The following RPSA variants were observed in gnomAD, a reference collection of about 807,000 sequenced individuals.
RPSA encodes small ribosomal subunit protein uS2.
For missense variants in RPSA, 140 were observed against 372.8 expected, an observed-to-expected ratio of 0.38 and a Z score of 5.14; for synonymous variants, 103 against 126.7, an observed-to-expected ratio of 0.81 and a Z score of 1.25.
intron 1 of RPSA, 160 bp downstream of exon 1, chr3:39,406,924 G>C: frequency 2.2e-6 from 1 of 454,414 alleles, no homozygotes; most frequent in Admixed American, 2.4e-5. Flanking sequence ...CACGTGGCCA[G>C]GCTCGGGCTG....
chr3:39,407,328 C>CT (rs1301112906), intron 1 of RPSA, among the ~76,000 whole-genome samples: 5 of 152,148 alleles, frequency 3.3e-5, no homozygotes, highest in Non-Finnish European at 7.3e-5. Flanking sequence ...TAGTTGTTAA[C>CT]TTGGCGCATC....
chr3:39,412,427 C>A lies in RPSA; in HGVS notation c.*59C>A. On this transcript the variant is annotated 3_prime_UTR_variant, in exon 7 of 7. Transcript: ENST00000301821. ...AAAATGGTTGATGGAAAATAAACATCAGTTTCTAAAAGTTGTCTTCATTTA... is the reference window on the plus strand; with the variant it reads ...AAAATGGTTGATGGAAAATAAACATAAGTTTCTAAAAGTTGTCTTCATTTA... 1.1e-6 allele frequency: 1 copy of A among 945,230 alleles called. No individual in the cohort carries two copies. Among genetic ancestry groups the A allele is most frequent in the South Asian group, 1.4e-5 (1 of 69,242 alleles). The allele number at this position is 945,230 out of a possible 1,614,324, so 58.6% of individuals were successfully genotyped here.
At position 39,407,602 on chromosome 3, in the gene RPSA, G is replaced by A. The variant is rs752277870; in HGVS notation, c.-33-19G>A. ...TAACTCAATGGAATGAAAAGAAATA[G>A]GTTGCTCTCTTATTTCAGATTCCCG... On this transcript the variant is annotated intron_variant, in intron 1 of 6. Coordinates refer to ENST00000301821, the MANE Select transcript of RPSA (RefSeq NM_002295.6). 6.4e-7 allele frequency: 1 copy of A among 1,571,642 alleles called. No individual in the cohort carries two copies. Among genetic ancestry groups the A allele is most frequent in the Non-Finnish European group, 8.6e-7 (1 of 1,157,000 alleles).
chr3:39,411,820 C>T (rs186505085), intron 5 of RPSA, 43 bp downstream of exon 5: 84 of 1,599,382 alleles, frequency 5.3e-5, no homozygotes, highest in Admixed American at 5.0e-4. Context: ...GCAAATTGGA[C>T]GACTTGGACT....
intron 4 of RPSA, 106 bp from the exon 5 acceptor site, chr3:39,411,543 A>C: frequency 1.8e-5 from 21 of 1,197,394 alleles, no homozygotes; most frequent in Non-Finnish European, 2.4e-5. Flanking sequence ...TTTTCAACTA[A>C]GAGATGTCTG....
chr3:39,411,374 G>C, intron 4 of RPSA: 2 of 556,050 alleles, frequency 3.6e-6, no homozygotes, highest in Non-Finnish European at 6.5e-6. Flanking sequence ...GGTTGTGTGT[G>C]GTTCAGATTG....
At chr3:39,408,770 A>T in intron 3 of RPSA, 46 bp downstream of exon 3, 1 of 1,073,220 alleles carries the variant, frequency 9.3e-7, no homozygotes, top group Non-Finnish European at 1.4e-6. Flanking sequence ...AATAAAGCTT[A>T]CAGACATTGT....
intron 4 of RPSA, 56 bp from the exon 5 acceptor site, chr3:39,411,593 C>A: frequency 1.3e-6 from 2 of 1,599,486 alleles, no homozygotes; most frequent in Non-Finnish European, 1.7e-6. Context: ...CAGGAAGGTG[C>A]TTGCTGTTTG....
intron 2 of RPSA, 152 bp downstream of exon 2, chr3:39,407,938 G>C: frequency 3.2e-6 from 2 of 626,110 alleles, no homozygotes; most frequent in Non-Finnish European, 5.5e-6. Context: ...AAATGTTCTT[G>C]TTATTGAGAG....
At chr3:39,411,086 A>T in intron 4 of RPSA, 87 bp downstream of exon 4, 1 of 1,527,250 alleles carries the variant, frequency 6.5e-7, no homozygotes, top group Non-Finnish European at 9.0e-7. Context: ...AGTTGAGGCT[A>T]CTGACTGGCC....
At chr3:39,411,574 T>G in intron 4 of RPSA, 75 bp from the exon 5 acceptor site, 1 of 1,525,220 alleles carries the variant, frequency 6.6e-7, no homozygotes, top group East Asian at 2.3e-5. Context: ...ACCTAGATGA[T>G]GTAAGAGCCA....
chr3:39,409,943 C>T (rs55926249), intron 3 of RPSA, among the ~76,000 whole-genome samples: 1,920 of 152,166 alleles, frequency 0.013, 36 homozygotes, highest in African/African-American at 0.043. Flanking sequence ...GGGTGGGCAA[C>T]GTGGCAAAAC....
intron 4 of RPSA, 200 bp downstream of exon 4, chr3:39,411,199 C>G (rs781261202): frequency 5.3e-6 from 4 of 761,408 alleles, no homozygotes; most frequent in Non-Finnish European, 9.6e-6. Flanking sequence ...GTAATTCTTG[C>G]TACAAGTATA....
intron 1 of RPSA, chr3:39,407,041 C>T (rs2041927566): frequency 2.2e-6 from 1 of 454,730 alleles, no homozygotes; most frequent in African/African-American, 2.0e-5. Context: ...AGAAAGCGGG[C>T]TAACATCCTG....
At chr3:39,409,331 A>T (rs1448407640) in intron 3 of RPSA, among the ~76,000 whole-genome samples, 1 of 151,752 alleles carries the variant, frequency 6.6e-6, no homozygotes, top group Non-Finnish European at 1.5e-5. Flanking sequence ...CCTCCCGAGT[A>T]GCTGGAATTA....
chr3:39,411,337 G>A (rs1363310185), intron 4 of RPSA: 18 of 595,136 alleles, frequency 3.0e-5, no homozygotes, highest in Non-Finnish European at 4.0e-5. Flanking sequence ...AACTTGATGG[G>A]TTCTACTATA....
chr3:39,407,734 C>T lies in RPSA; in HGVS notation c.81C>T (p.Gly27=). 2.5e-6 allele frequency: 4 copies of T among 1,595,852 alleles called. No homozygotes were observed. The highest frequency in any genetic ancestry group is 3.4e-6 in the Non-Finnish European group (4 of 1,177,466). Residue 27 remains glycine, a synonymous_variant, in exon 2 of 7, where the codon GGC becomes GGT. Coordinates refer to ENST00000301821, the MANE Select transcript of RPSA (RefSeq NM_002295.6). ...KFLAAGTHLG[G]TNLDFQMEQY... ...TTGCAGCAGGAACCCACTTAGGTGGCACCAATCTTGACTTCCAGATGGAAC... is the reference window on the plus strand; with the variant it reads ...TTGCAGCAGGAACCCACTTAGGTGGTACCAATCTTGACTTCCAGATGGAAC...
chr3:39,408,686 G>T lies in RPSA; in HGVS notation c.214G>T (p.Ala72Ser). The change falls in exon 3 of 7, where the codon GCT becomes TCT. Residue 72 changes from alanine (A) to serine (S), a missense_variant. Physicochemically the swap from Ala to Ser is moderately conservative, Grantham distance 99. Coordinates refer to ENST00000301821, the MANE Select transcript of RPSA (RefSeq NM_002295.6). Reference sequence around the variant, plus strand: ...TGCAATTGTTGCCATTGAAAACCCTGCTGATGTCAGTGTTATATCCTCCAG... The same window carrying T: ...TGCAATTGTTGCCATTGAAAACCCTTCTGATGTCAGTGTTATATCCTCCAG... The part of the protein sequence containing the change: ...ARAIVAIENP[A>S]DVSVISSRNT... 1 of 1,610,558 alleles carries T rather than the reference G, an allele frequency of 6.2e-7. No individual in the cohort carries two copies. The highest frequency in any genetic ancestry group is 8.5e-7 in the Non-Finnish European group (1 of 1,176,758).
At chr3:39,411,059 A>G in intron 4 of RPSA, 60 bp downstream of exon 4, 1 of 1,583,114 alleles carries the variant, frequency 6.3e-7, no homozygotes, top group Non-Finnish European at 8.6e-7. Context: ...ATTCCTGTGC[A>G]CATTGTTAGA....
Sources: gnomAD v4.1 joint callset for allele counts (sites outside exome capture counted in the v4.1 genomes callset) on GRCh38, gnomAD v4.1.1 for gene constraint, MANE v1.5 for transcripts, NCBI Gene and HGNC (gene_info 2026-07-23, HGNC 2026-07-21) for gene names.